The following CSMD1 variants were observed in gnomAD, a reference collection of about 807,000 sequenced individuals.
CSMD1 encodes CUB and sushi domain-containing protein 1.
Under a neutral mutation model 417.5 loss-of-function variants are expected in CSMD1, and 213 were observed. The observed-to-expected ratio is 0.51, with a 90% CI of 0.46 to 0.57. The LOEUF is 0.57. Among genes scored for constraint, CSMD1 ranks in the 20% least tolerant of loss-of-function variants. The pLI is 0.00. For missense variants in CSMD1, 6,923 were observed against 4,529.7 expected, an observed-to-expected ratio of 1.53 and a Z score of -15.17; for synonymous variants, 2,862 against 1,736.8, an observed-to-expected ratio of 1.65 and a Z score of -16.11.
intron 5 of CSMD1, among the ~76,000 whole-genome samples, chr8:3,947,624 C>G (rs1397209808): frequency 6.6e-6 from 1 of 150,572 alleles, no homozygotes; most frequent in Non-Finnish European, 1.5e-5. Flanking sequence ...ATACGAGGAG[C>G]TTTCCCACAT....
intron 3 of CSMD1, among the ~76,000 whole-genome samples, chr8:4,180,879 G>A (rs1196513321): frequency 1.3e-5 from 2 of 152,132 alleles, no homozygotes. Flanking sequence ...TTCTGAACTT[G>A]TAATTACTGT....
intron 10 of CSMD1, among the ~76,000 whole-genome samples, chr8:3,560,192 G>C (rs968763948): frequency 1.8e-4 from 27 of 152,044 alleles, no homozygotes; most frequent in Admixed American, 1.6e-3. Flanking sequence ...TGAAATAATG[G>C]AATGCAAAGA....
chr8:4,656,405 C>G (rs1804232917), intron 1 of CSMD1, among the ~76,000 whole-genome samples: 1 of 151,966 alleles, frequency 6.6e-6, no homozygotes, highest in African/African-American at 2.4e-5. Context: ...AGTGGGGACA[C>G]TTTGAAGGAC....
chr8:3,953,811 G>A (rs924002717), intron 5 of CSMD1, among the ~76,000 whole-genome samples: 20 of 152,238 alleles, frequency 1.3e-4, no homozygotes, highest in African/African-American at 3.9e-4. Context: ...ATACAGCCAT[G>A]AGAGGTCTCA....
chr8:3,548,631 C>G (rs1026850245), intron 10 of CSMD1, among the ~76,000 whole-genome samples: 1 of 149,382 alleles, frequency 6.7e-6, no homozygotes, highest in African/African-American at 2.5e-5. Flanking sequence ...TAATTCAACC[C>G]TTTTCACGGC....
Position 3,402,162 on chromosome 8 carries a change from G to C in CSMD1, c.2267-2633C>G, listed in dbSNP as rs1050626881. Among the ~76,000 whole-genome samples, 6 of 152,160 alleles carry C rather than the reference G, an allele frequency of 3.9e-5. No homozygotes were observed. In the East Asian group the frequency reaches 1.2e-3, roughly 29 times the overall value. On this transcript the variant is annotated intron_variant, in intron 15 of 69. Coordinates refer to ENST00000635120, the MANE Select transcript of CSMD1 (RefSeq NM_033225.6). ...ATGCAGCCTGTCTTCTCCATTATCT[G>C]TGATAGTGCACAACACTAAGGTTCT...
chr8:3,528,035 C>T (rs764526842), intron 10 of CSMD1, among the ~76,000 whole-genome samples: 245 of 152,226 alleles, frequency 1.6e-3, no homozygotes, highest in Admixed American at 3.6e-3. Context: ...CAGCCATTGC[C>T]ATTTGTCCCC....
chr8:4,075,486 A>C (rs1331926421), intron 3 of CSMD1, among the ~76,000 whole-genome samples: 1 of 152,190 alleles, frequency 6.6e-6, no homozygotes, highest in Non-Finnish European at 1.5e-5. Flanking sequence ...AGGTAAAATA[A>C]AGTGGCAAAT....
chr8:4,581,516 G>A (rs1004921870), intron 2 of CSMD1, among the ~76,000 whole-genome samples: 5 of 152,142 alleles, frequency 3.3e-5, no homozygotes, highest in Non-Finnish European at 7.3e-5. Flanking sequence ...TGAGAAGCAT[G>A]CATTATTTTA....
At chr8:3,323,604 G>A (rs951420339) in intron 23 of CSMD1, among the ~76,000 whole-genome samples, 3 of 152,286 alleles carry the variant, frequency 2.0e-5, no homozygotes, top group Non-Finnish European at 4.4e-5. Flanking sequence ...AAATTTTATA[G>A]CATTTCAGTA....
At chr8:4,120,398 T>A (rs372594080) in intron 3 of CSMD1, among the ~76,000 whole-genome samples, 9 of 152,330 alleles carry the variant, frequency 5.9e-5, no homozygotes, top group African/African-American at 2.2e-4. Context: ...GCTGACCGTA[T>A]GCCCATCCAA....
Position 4,865,850 on chromosome 8 carries a change from A to G in CSMD1, c.85+128482T>C, listed in dbSNP as rs1802395832. 4.0e-5 allele frequency among the ~76,000 whole-genome samples: 6 copies of G among 151,808 alleles called. No individual in the cohort carries two copies. The South Asian group carries it at 1.2e-3, about 32-fold the overall frequency. On this transcript the variant is annotated intron_variant, in intron 1 of 69. Coordinates refer to ENST00000635120, the MANE Select transcript of CSMD1 (RefSeq NM_033225.6). ...AATCTTCTTTCTTATGCATTTTGGG[A>G]CCTATTTTTTCCATTTAATTTTAAC...
chr8:3,610,879 C>G (rs1158213222), intron 8 of CSMD1, among the ~76,000 whole-genome samples: 1 of 151,998 alleles, frequency 6.6e-6, no homozygotes, highest in Non-Finnish European at 1.5e-5. Flanking sequence ...CACTGAGTTG[C>G]CTTTTCCATT....
intron 3 of CSMD1, among the ~76,000 whole-genome samples, chr8:4,047,356 G>C (rs918672120): frequency 6.6e-6 from 1 of 152,134 alleles, no homozygotes. Context: ...CCTTGGGAAC[G>C]GTCCTGCTCA....
At chr8:4,333,446 C>G (rs143565164) in intron 3 of CSMD1, among the ~76,000 whole-genome samples, 9 of 152,218 alleles carry the variant, frequency 5.9e-5, no homozygotes, top group African/African-American at 2.2e-4. Context: ...AAGTTGTCTT[C>G]TCTGAGCCTC....
chr8:3,664,040 T>C (rs1798555334), intron 7 of CSMD1, among the ~76,000 whole-genome samples: 1 of 152,206 alleles, frequency 6.6e-6, no homozygotes, highest in Non-Finnish European at 1.5e-5. Context: ...AATTTTGTTA[T>C]TATTATTAAA....
chr8:3,675,333 G>A (rs548690109), intron 7 of CSMD1, among the ~76,000 whole-genome samples: 74 of 152,280 alleles, frequency 4.9e-4, no homozygotes, highest in Non-Finnish European at 8.4e-4. Flanking sequence ...TGTCTAACAT[G>A]TCATTGCTAT....
At chr8:3,177,720 C>T (rs1457391286) in intron 37 of CSMD1, among the ~76,000 whole-genome samples, 1 of 152,048 alleles carries the variant, frequency 6.6e-6, no homozygotes, top group Non-Finnish European at 1.5e-5. Flanking sequence ...CTTGTTGTTC[C>T]TCCCACCAGC....
intron 5 of CSMD1, among the ~76,000 whole-genome samples, chr8:3,794,249 T>C (rs984328646): frequency 1.3e-5 from 2 of 152,204 alleles, no homozygotes; most frequent in African/African-American, 4.8e-5. Flanking sequence ...GCAGTTGAGA[T>C]GTTGATGGCC....
Sources: gnomAD v4.1 joint callset for allele counts (sites outside exome capture counted in the v4.1 genomes callset) on GRCh38, gnomAD v4.1.1 for gene constraint, MANE v1.5 for transcripts, NCBI Gene and HGNC (gene_info 2026-07-23, HGNC 2026-07-21) for gene names.